RUFY2: variants seen among roughly 807,000 people sequenced by gnomAD.
RUFY2 encodes the protein RUN and FYVE domain containing 2, also known as RUN and FYVE domain-containing protein 2.
In RUFY2, 49 loss-of-function variants were observed where a neutral mutation model predicts 94.4. That is an observed-to-expected ratio of 0.52 (90% CI 0.41 to 0.66). The LOEUF (loss-of-function observed/expected upper bound fraction) is 0.66, where lower values mean the gene tolerates loss of function less well. Ranked by LOEUF, RUFY2 falls within the 30% of genes least tolerant of loss-of-function variation. The pLI is 0.00. For missense variants in RUFY2, 541 were observed against 692.8 expected, an observed-to-expected ratio of 0.78 and a Z score of 2.46; for synonymous variants, 255 against 235.7, an observed-to-expected ratio of 1.08 and a Z score of -0.75.
chr10:68,401,566 GA>G, intron 3 of RUFY2, 53 bp downstream of exon 3: 2 of 1,092,948 alleles, frequency 1.8e-6, no homozygotes, highest in South Asian at 2.5e-5. Flanking sequence ...TACTTTGGAG[GA>G]ACAATGAATA....
At chr10:68,405,431 A>C (rs1411565704) in intron 1 of RUFY2, 1 of 966,668 alleles carries the variant, frequency 1.0e-6, no homozygotes, top group African/African-American at 1.8e-5. Context: ...TCCTGTATTT[A>C]ACTTTCCTGG....
At chr10:68,366,797 AAT>A (rs947374150) in intron 13 of RUFY2, among the ~76,000 whole-genome samples, 4 of 17,540 alleles carry the variant, frequency 2.3e-4, no homozygotes, top group East Asian at 7.4e-3. Context: ...AATAATATAT[AAT>A]ATATATAATA....
At chr10:68,398,174 C>T (rs1409071064) in intron 3 of RUFY2, among the ~76,000 whole-genome samples, 4 of 149,946 alleles carry the variant, frequency 2.7e-5, no homozygotes, top group East Asian at 3.9e-4. Flanking sequence ...CACCATAATG[C>T]CTTCAAAAAC....
At chr10:68,341,538 A>G, downstream of RUFY2, 1 of 1,296,244 alleles carries the variant, frequency 7.7e-7, no homozygotes, top group Non-Finnish European at 1.1e-6. Context: ...GATGAATTTT[A>G]TCCATCATTC....
chr10:68,360,121 G>A (rs1395082237), intron 15 of RUFY2, among the ~76,000 whole-genome samples: 6 of 151,878 alleles, frequency 4.0e-5, no homozygotes. Context: ...ACAGCACCTG[G>A]CCCAAATCTA....
chr10:68,383,736 C>T lies in RUFY2; in HGVS notation c.939+62G>A, dbSNP rs893637888. On this transcript the variant is annotated intron_variant, in intron 10 of 17. Coordinates refer to ENST00000602465, the MANE Select transcript of RUFY2 (RefSeq NM_001330103.2). ...AGGCTGAAAAAGATTTTAAATGGTGCTTGCTTGAGGGTAAATTACTCCCAG... is the reference window on the plus strand; with the variant it reads ...AGGCTGAAAAAGATTTTAAATGGTGTTTGCTTGAGGGTAAATTACTCCCAG... The T allele has an allele frequency of 3.5e-6, 4 of 1,145,018 alleles. No homozygotes were observed. In the South Asian group the frequency reaches 3.7e-5, roughly 11 times the overall value. 70.9% of individuals were successfully genotyped at this position (1,145,018 alleles called of 1,614,324 possible). A position where few individuals can be genotyped will look rare whatever the true frequency, so the allele number is the denominator to read the frequency against.
At chr10:68,379,082 A>G in intron 12 of RUFY2, 1 of 267,780 alleles carries the variant, frequency 3.7e-6, no homozygotes, top group South Asian at 7.3e-5. Flanking sequence ...ATTAATATGC[A>G]TGGAAATCAA....
downstream of RUFY2, chr10:68,341,557 C>G: frequency 7.0e-7 from 1 of 1,429,838 alleles, no homozygotes; most frequent in Non-Finnish European, 9.8e-7. Flanking sequence ...TCCTTTCTCC[C>G]CTGTTACTCT....
chr10:68,407,027 GC>G, intron 1 of RUFY2, 158 bp downstream of exon 1: 3 of 1,485,984 alleles, frequency 2.0e-6, no homozygotes, highest in South Asian at 1.3e-5. Context: ...GACCCCGGGA[GC>G]CCCCGAGTCC....
At chr10:68,341,711 AGCT>A (rs773027664), downstream of RUFY2, 6 of 1,582,358 alleles carry the variant, frequency 3.8e-6, no homozygotes, top group South Asian at 6.8e-5. Flanking sequence ...ATGCAGGGTT[AGCT>A]GCTTATCGAT....
intron 7 of RUFY2, among the ~76,000 whole-genome samples, chr10:68,388,557 C>T (rs2049707310): frequency 6.6e-6 from 1 of 151,900 alleles, no homozygotes; most frequent in South Asian, 2.1e-4. Flanking sequence ...CAATGAAAGG[C>T]CGGGTGCAGT....
chr10:68,366,254 C>T (rs944676517), intron 13 of RUFY2, among the ~76,000 whole-genome samples: 4 of 137,256 alleles, frequency 2.9e-5, no homozygotes, highest in Non-Finnish European at 6.1e-5. Flanking sequence ...TGCTTGGACC[C>T]GGGAGGCGGA....
At chr10:68,403,431 A>T (rs995057926) in intron 2 of RUFY2, among the ~76,000 whole-genome samples, 4 of 151,964 alleles carry the variant, frequency 2.6e-5, no homozygotes, top group African/African-American at 9.7e-5. Context: ...TTGTATTTTT[A>T]GTAGAGATGG....
In RUFY2 at chr10:68,394,442, A is replaced by G. The variant is rs1589970420; in HGVS notation, c.408T>C (p.Tyr136=). The G allele has an allele frequency of 6.2e-7, 1 of 1,607,976 alleles. No homozygotes were observed. The highest frequency in any genetic ancestry group is 8.5e-7 in the Non-Finnish European group (1 of 1,175,950). ...IIQRDLLSEF[Y]EYHALMMEEE... ...CTTCCATCATTAGTGCGTGATACTC[A>G]TAAAACTCACTGTGAAAATTTAAAA... Residue 136 remains tyrosine (Y), a synonymous_variant, in exon 5 of 18, where the codon TAT becomes TAC. Coordinates refer to ENST00000602465, the MANE Select transcript of RUFY2 (RefSeq NM_001330103.2).
chr10:68,369,733 G>A (rs2048124220), intron 13 of RUFY2, among the ~76,000 whole-genome samples: 1 of 150,628 alleles, frequency 6.6e-6, no homozygotes. Flanking sequence ...ACCAGCCTAG[G>A]CAACATAGAG....
rs2049040127 is a variant in RUFY2 at position 68,381,284 on chromosome 10, T to C, written c.1055A>G (p.Gln352Arg). 2 of 1,613,750 alleles carry C rather than the reference T, an allele frequency of 1.2e-6. No homozygotes were observed. Among genetic ancestry groups the C allele is most frequent in the African/African-American group, 1.3e-5 (1 of 74,906 alleles). The change falls in exon 11 of 18, where the codon CAA (glutamine) becomes CGA (arginine). Residue 352 changes from glutamine to arginine, a missense_variant. Physicochemically the swap from Gln to Arg is conservative, Grantham distance 43. Coordinates refer to ENST00000602465, the MANE Select transcript of RUFY2 (RefSeq NM_001330103.2). ...EKQDTLIGLR[Q>R]QLEEVKAINI... ...AATTGCTTTAACTTCCTCTAGTTGT[T>C]GTCGAAGGCCTATCAGAGTATCTTG...
intron 13 of RUFY2, among the ~76,000 whole-genome samples, chr10:68,376,319 CA>C (rs1393472213): frequency 6.8e-6 from 1 of 148,140 alleles, no homozygotes; most frequent in Non-Finnish European, 1.5e-5. Flanking sequence ...CACAGCTACT[CA>C]GGGGGCTGAG....
intron 13 of RUFY2, among the ~76,000 whole-genome samples, chr10:68,368,651 C>T (rs929589918): frequency 2.6e-5 from 4 of 151,554 alleles, no homozygotes; most frequent in African/African-American, 7.3e-5. Flanking sequence ...AAGAGCAAAA[C>T]TCCATCTCAA....
At chr10:68,359,007 G>T (rs1444389065) in intron 15 of RUFY2, among the ~76,000 whole-genome samples, 1 of 152,084 alleles carries the variant, frequency 6.6e-6, no homozygotes, top group Non-Finnish European at 1.5e-5. Context: ...AAAAAAGACG[G>T]CCTCTCTATG....
Sources: gnomAD v4.1 joint callset for allele counts (sites outside exome capture counted in the v4.1 genomes callset) on GRCh38, gnomAD v4.1.1 for gene constraint, MANE v1.5 for transcripts, NCBI Gene and HGNC (gene_info 2026-07-23, HGNC 2026-07-21) for gene names.